Variants in ZNF518A observed in about 807,000 individuals in gnomAD.
ZNF518A encodes the protein zinc finger protein 518.
In ZNF518A, 47 loss-of-function variants were observed where a neutral mutation model predicts 102.7. The observed-to-expected ratio is 0.46, with a 90% CI of 0.36 to 0.58. The LOEUF (loss-of-function observed/expected upper bound fraction) is 0.58, where lower values mean the gene tolerates loss of function less well. Among genes scored for constraint, ZNF518A ranks in the 20% least tolerant of loss-of-function variants. The pLI, the probability that ZNF518A is intolerant of heterozygous loss-of-function variation, is 0.00. For synonymous variants in ZNF518A, 652 were observed against 594.6 expected (o/e 1.10, Z -1.40); for missense variants, 1,793 against 1,699.8 (o/e 1.05, Z -0.96).
intron 3 of ZNF518A, 23 bp downstream of exon 3, chr10:96,133,671 C>T (rs587698879): frequency 6.6e-6 from 1 of 152,200 alleles, no homozygotes; most frequent in South Asian, 2.1e-4. Context: ...ATAAGTATGA[C>T]CGTAAATTAG....
intron 1 of ZNF518A, among the ~76,000 whole-genome samples, chr10:96,184,348 T>C (rs1486927059): frequency 6.6e-6 from 1 of 152,232 alleles, no homozygotes; most frequent in African/African-American, 2.4e-5. Context: ...GTCATTATGA[T>C]GTTAGCTGGT....
Position 96,161,140 on chromosome 10 carries a change from C to T in ZNF518A, c.*366C>T, listed in dbSNP as rs1436433626. On this transcript the variant is annotated 3_prime_UTR_variant, in exon 6 of 6. Transcript: ENST00000316045. ...CACCCCCATTCCCTCTCTTCTTCCACCAGCCTTATGCATCTAAGTGTAGCT... is the reference window on the plus strand; with the variant it reads ...CACCCCCATTCCCTCTCTTCTTCCATCAGCCTTATGCATCTAAGTGTAGCT... 1 of 178,686 alleles carries T rather than the reference C, an allele frequency of 5.6e-6. No individual in the cohort carries two copies. Among genetic ancestry groups the T allele is most frequent in the Admixed American group, 6.3e-5 (1 of 15,796 alleles). The allele number at this position is 178,686 out of a possible 1,614,324, so 11.1% of individuals were successfully genotyped here.
chr10:96,203,564 A>T (rs1177980629), intron 1 of ZNF518A: 1 of 152,626 alleles, frequency 6.6e-6, no homozygotes, highest in South Asian at 2.1e-4. Context: ...TCCGATTCAT[A>T]TATTTTTAGG....
intron 1 of ZNF518A, among the ~76,000 whole-genome samples, chr10:96,168,971 C>G (rs1472627723): frequency 6.6e-6 from 1 of 152,052 alleles, no homozygotes; most frequent in African/African-American, 2.4e-5. Context: ...CTGATGAATT[C>G]TCTTTTTTTC....
At chr10:96,194,039 T>A (rs1039488976) in intron 1 of ZNF518A, among the ~76,000 whole-genome samples, 14 of 152,224 alleles carry the variant, frequency 9.2e-5, no homozygotes, top group African/African-American at 3.1e-4. Flanking sequence ...ATGTTGGAAG[T>A]GAGGTGAAGC....
At chr10:96,189,935 G>C in intron 1 of ZNF518A, 1 of 967,160 alleles carries the variant, frequency 1.0e-6, no homozygotes, top group Non-Finnish European at 1.7e-6. Flanking sequence ...AAGCACTGGT[G>C]GTGTTATTTC....
intron 1 of ZNF518A, among the ~76,000 whole-genome samples, chr10:96,193,209 G>T (rs1229637121): frequency 6.6e-6 from 1 of 152,112 alleles, no homozygotes; most frequent in Non-Finnish European, 1.5e-5. Context: ...TCTTGCAATT[G>T]CCAAAGAAAT....
At chr10:96,164,051 A>T (rs1554889464), downstream of ZNF518A, among the ~76,000 whole-genome samples, 2 of 152,346 alleles carry the variant, frequency 1.3e-5, no homozygotes, top group East Asian at 1.9e-4. Context: ...TGAAGGGATT[A>T]AAAATGAGAT....
In ZNF518A at chr10:96,159,784, G is replaced by T. The variant is rs587725099; in HGVS notation, c.3462G>T (p.Val1154=). The change falls in exon 6 of 6, where the codon GTG becomes GTT. Residue 1154 remains valine (V), a synonymous_variant. Coordinates refer to ENST00000316045, the MANE Select transcript of ZNF518A (RefSeq NM_001330736.2). The part of the protein sequence containing the change: ...LLKIFNPVLN[V]TAANNLSVSN... ...AAATTTTTAACCCTGTTTTAAATGT[G>T]ACTGCTGCTAATAATCTGTCAGTAA... The T allele has an allele frequency of 9.9e-6, 16 of 1,613,600 alleles. No homozygotes were observed. The East Asian group carries it at 1.3e-4, about 13-fold the overall frequency.
intron 1 of ZNF518A, among the ~76,000 whole-genome samples, chr10:96,178,242 T>C (rs186619604): frequency 1.3e-5 from 2 of 152,254 alleles, no homozygotes; most frequent in East Asian, 1.9e-4. Context: ...AAGGATTGAA[T>C]TCATGCAGAG....
At chr10:96,149,319 G>T (rs782396457) in intron 3 of ZNF518A, among the ~76,000 whole-genome samples, 2 of 152,128 alleles carry the variant, frequency 1.3e-5, no homozygotes, top group East Asian at 3.9e-4. Flanking sequence ...GGGGATATGA[G>T]GTGAGGGTTT....
chr10:96,153,441 C>G (rs587665360), intron 3 of ZNF518A, among the ~76,000 whole-genome samples: 1 of 152,282 alleles, frequency 6.6e-6, no homozygotes, highest in South Asian at 2.1e-4. Context: ...CTTCCCCATG[C>G]AACAAGTTGA....
chr10:96,169,354 G>C (rs372461319), intron 1 of ZNF518A, among the ~76,000 whole-genome samples: 11 of 152,038 alleles, frequency 7.2e-5, no homozygotes, highest in Non-Finnish European at 1.2e-4. Flanking sequence ...GGCTCTGTTC[G>C]TTTTTTGGTT....
intron 2 of ZNF518A, chr10:96,203,854 T>C: frequency 2.3e-6 from 1 of 430,004 alleles, no homozygotes; most frequent in Non-Finnish European, 4.2e-6. Flanking sequence ...AAGTAAAAAT[T>C]GCCTCAAATA....
At chr10:96,138,026 T>C (rs1554875166) in intron 3 of ZNF518A, among the ~76,000 whole-genome samples, 1 of 143,776 alleles carries the variant, frequency 7.0e-6, no homozygotes, top group East Asian at 1.9e-4. Flanking sequence ...GACATGTCTC[T>C]TTCTTTCAGA....
intron 1 of ZNF518A, among the ~76,000 whole-genome samples, chr10:96,179,045 A>G (rs1414387213): frequency 1.3e-5 from 2 of 152,128 alleles, no homozygotes; most frequent in East Asian, 1.9e-4. Flanking sequence ...TTTTTATGTC[A>G]TTTTATGAGT....
chr10:96,131,634 C>T (rs782300464), intron 1 of ZNF518A, among the ~76,000 whole-genome samples: 77 of 152,028 alleles, frequency 5.1e-4, no homozygotes, highest in Non-Finnish European at 9.1e-4. Flanking sequence ...CTGTTTGTTG[C>T]GTGAAAATAA....
intron 3 of ZNF518A, among the ~76,000 whole-genome samples, chr10:96,138,937 A>ATTT (rs782442450): frequency 1.0e-4 from 14 of 136,032 alleles, no homozygotes; most frequent in Admixed American, 2.2e-4. Context: ...AAAGTGGCGA[A>ATTT]TTTTTTTTTT....
intron 3 of ZNF518A, among the ~76,000 whole-genome samples, chr10:96,145,064 T>TTTGTTGTTG (rs56087328): frequency 0.1 from 15,016 of 150,688 alleles, 796 homozygotes; most frequent in Middle Eastern, 0.14. Context: ...ACATGTATGT[T>TTTGTTGTTG]TTGTTGTTGT....
Sources: gnomAD v4.1 joint callset for allele counts (sites outside exome capture counted in the v4.1 genomes callset) on GRCh38, gnomAD v4.1.1 for gene constraint, MANE v1.5 for transcripts, NCBI Gene and HGNC (gene_info 2026-07-23, HGNC 2026-07-21) for gene names.